Variants in FOXO3 observed in about 807,000 individuals in gnomAD.
FOXO3 encodes forkhead box O3, also known as forkhead box protein O3.
A neutral mutation model predicts 41.9 loss-of-function variants in FOXO3; 4 were observed. That is an observed-to-expected ratio of 0.10 (90% CI 0.05 to 0.22). FOXO3 has a LOEUF of 0.22. FOXO3 is among the 10% of genes least tolerant of loss of function. The pLI, the probability that FOXO3 is intolerant of heterozygous loss-of-function variation, is 1.00. For synonymous variants in FOXO3, 318 were observed against 389.3 expected (o/e 0.82, Z 2.16); for missense variants, 534 against 906.8 (o/e 0.59, Z 5.28).
Position 108,561,318 on chromosome 6 carries a change from G to C in FOXO3, c.110G>C (p.Arg37Thr), listed in dbSNP as rs1775777108. Residue 37 changes from arginine (R) to threonine (T), a missense_variant, in exon 1 of 3, where the codon AGG becomes ACG. Coordinates refer to ENST00000406360, the MANE Select transcript of FOXO3 (RefSeq NM_001455.4). ...CGATCCTGTACGTGGCCCCTGCAAA[G>C]GCCGGAGCTCCAAGCGAGCCCTGCC... ...RPRSCTWPLQ[R>T]PELQASPAKP... is the part of the protein sequence containing the mutation. 1 of 1,562,900 alleles carries C rather than the reference G, an allele frequency of 6.4e-7. No homozygotes were observed.
chr6:108,577,671 G>A (rs1187824805), intron 1 of FOXO3, among the ~76,000 whole-genome samples: 1 of 152,208 alleles, frequency 6.6e-6, no homozygotes, highest in Non-Finnish European at 1.5e-5. Context: ...ATAATGTATA[G>A]CCAGGATTGA....
chr6:108,658,338 TTTTG>T (rs1350332198), intron 1 of FOXO3, among the ~76,000 whole-genome samples: 1 of 152,056 alleles, frequency 6.6e-6, no homozygotes. Flanking sequence ...GTGGCACAGT[TTTTG>T]TTTGTGTTGA....
chr6:108,630,915 T>C (rs1777957211), intron 1 of FOXO3, among the ~76,000 whole-genome samples: 1 of 152,184 alleles, frequency 6.6e-6, no homozygotes, highest in African/African-American at 2.4e-5. Context: ...ATTAATTGAT[T>C]AGAATGCAAA....
At chr6:108,624,023 A>G (rs1777745092) in intron 1 of FOXO3, among the ~76,000 whole-genome samples, 1 of 152,242 alleles carries the variant, frequency 6.6e-6, no homozygotes, top group Admixed American at 6.5e-5. Context: ...TGAATTGTAT[A>G]TATAAACTGT....
At chr6:108,617,303 T>C (rs1413304553) in intron 1 of FOXO3, among the ~76,000 whole-genome samples, 1 of 152,232 alleles carries the variant, frequency 6.6e-6, no homozygotes, top group Non-Finnish European at 1.5e-5. Flanking sequence ...ATTGATTGAT[T>C]ATTTTCATTT....
At chr6:108,675,683 C>T (rs1770560216) in intron 2 of FOXO3, among the ~76,000 whole-genome samples, 1 of 152,168 alleles carries the variant, frequency 6.6e-6, no homozygotes, top group Non-Finnish European at 1.5e-5. Context: ...GCTTGTGGGG[C>T]AAACTTTCCT....
At chr6:108,648,662 G>A (rs985155934) in intron 1 of FOXO3, among the ~76,000 whole-genome samples, 2 of 152,076 alleles carry the variant, frequency 1.3e-5, no homozygotes, top group African/African-American at 4.8e-5. Flanking sequence ...CATGGTTAAG[G>A]AAATAATCAG....
intron 1 of FOXO3, among the ~76,000 whole-genome samples, chr6:108,589,106 G>A (rs1003749776): frequency 1.3e-5 from 2 of 152,210 alleles, no homozygotes; most frequent in Admixed American, 1.3e-4. Flanking sequence ...AATGGAGGCT[G>A]TCATGGAGTC....
At chr6:108,602,803 T>G (rs1213526068) in intron 1 of FOXO3, among the ~76,000 whole-genome samples, 1 of 152,226 alleles carries the variant, frequency 6.6e-6, no homozygotes, top group Admixed American at 6.5e-5. Flanking sequence ...GAACCTATTT[T>G]GAAGCTCTTA....
In FOXO3 at chr6:108,620,597, C is replaced by T. The variant is rs1777638913; in HGVS notation, c.622-42858C>T. On this transcript the variant is annotated intron_variant, in intron 1 of 2. Coordinates refer to ENST00000406360, the MANE Select transcript of FOXO3 (RefSeq NM_001455.4). ...TAATTAGTATTATGAAGCCACGCTTCTGATTGTGAGAATGAGAACATCAAG... is the reference window on the plus strand; with the variant it reads ...TAATTAGTATTATGAAGCCACGCTTTTGATTGTGAGAATGAGAACATCAAG... Among the ~76,000 whole-genome samples, 3 of 152,172 alleles carry T rather than the reference C, an allele frequency of 2.0e-5. No homozygotes were observed. The South Asian group carries it at 6.2e-4, about 32-fold the overall frequency.
At chr6:108,579,359 G>A (rs931949081) in intron 1 of FOXO3, among the ~76,000 whole-genome samples, 1 of 152,112 alleles carries the variant, frequency 6.6e-6, no homozygotes, top group Non-Finnish European at 1.5e-5. Flanking sequence ...AGGCAGGTTC[G>A]GTGTTGGAAC....
At chr6:108,657,195 C>CT (rs1286015900) in intron 1 of FOXO3, among the ~76,000 whole-genome samples, 1 of 152,214 alleles carries the variant, frequency 6.6e-6, no homozygotes, top group Non-Finnish European at 1.5e-5. Flanking sequence ...ACTGCACTCT[C>CT]TTTAGACACA....
rs761305424 is a variant in FOXO3 at position 108,664,139 on chromosome 6, G to A, written c.1306G>A (p.Gly436Arg). The A allele has an allele frequency of 5.6e-6, 9 of 1,613,902 alleles. No homozygotes were observed. Among genetic ancestry groups the A allele is most frequent in the African/African-American group, 4.0e-5 (3 of 74,898 alleles). Residue 436 changes from glycine to arginine, a missense_variant, in exon 2 of 3, where the codon GGA becomes AGA. This residue lies in a region of FOXO3 where 185 missense variants were observed against 224.9 expected (regional missense o/e 0.82). Transcript: ENST00000406360. ...PTSSFNSTVF[G>R]PSSLNSLRQS... The stretch of plus-strand genomic sequence containing the variant: ...CAGCTCCTTTAACAGCACGGTGTTC[G>A]GACCTTCATCTCTGAACTCCCTACG...
intron 1 of FOXO3, among the ~76,000 whole-genome samples, chr6:108,616,048 C>T (rs930802756): frequency 4.0e-5 from 6 of 150,968 alleles, no homozygotes; most frequent in Non-Finnish European, 7.4e-5. Context: ...AGTGCAATGG[C>T]GCAATCTTGG....
chr6:108,621,891 A>G (rs1777674500), intron 1 of FOXO3, among the ~76,000 whole-genome samples: 3 of 152,116 alleles, frequency 2.0e-5, no homozygotes, highest in Admixed American at 2.0e-4. Context: ...ATGTGACATT[A>G]GGGGAGGCTG....
chr6:108,646,108 C>T (rs1161562677), intron 1 of FOXO3, among the ~76,000 whole-genome samples: 1 of 152,168 alleles, frequency 6.6e-6, no homozygotes, highest in African/African-American at 2.4e-5. Context: ...CTTTCATCCT[C>T]AGGGTCTCCT....
chr6:108,631,171 A>C (rs1777962821), intron 1 of FOXO3, among the ~76,000 whole-genome samples: 2 of 152,204 alleles, frequency 1.3e-5, no homozygotes, highest in Admixed American at 6.5e-5. Flanking sequence ...TTGTGAGTAC[A>C]TTTACTCATA....
chr6:108,561,279 C>T lies in FOXO3; in HGVS notation c.71C>T (p.Pro24Leu). The T allele has an allele frequency of 6.4e-7, 1 of 1,565,258 alleles. No individual in the cohort carries two copies. Residue 24 changes from proline (P) to leucine (L), a missense_variant, in exon 1 of 3, where the codon CCC becomes CTC. Pro to Leu is a moderately conservative substitution (Grantham distance 98, BLOSUM62 -3). Coordinates refer to ENST00000406360, the MANE Select transcript of FOXO3 (RefSeq NM_001455.4). ...LEVELDPEFEPQSRPRSCTWP... is the reference protein window; with the variant it reads ...LEVELDPEFELQSRPRSCTWP... ...GTGGAGCTGGACCCGGAGTTCGAGC[C>T]CCAGAGCCGTCCGCGATCCTGTACG...
In FOXO3 at chr6:108,684,518, G is replaced by GA. The variant is rs1770990082; in HGVS notation, c.*4728dup. 1 of 152,476 alleles carries GA rather than the reference G, an allele frequency of 6.6e-6. No homozygotes were observed. Among genetic ancestry groups the GA allele is most frequent in the Non-Finnish European group, 1.5e-5 (1 of 68,018 alleles). 9.4% of individuals were successfully genotyped at this position (152,476 alleles called of 1,614,324 possible). On this transcript the variant is annotated 3_prime_UTR_variant, in exon 3 of 3. Coordinates refer to ENST00000406360, the MANE Select transcript of FOXO3 (RefSeq NM_001455.4). ...AAGCACCTCATCCTTCTTTCAATGC[G>GA]AACACTATCATATGGCATTCTTACT...
Sources: allele counts gnomAD v4.1 joint callset (sites outside exome capture counted in the v4.1 genomes callset), GRCh38; gene constraint gnomAD v4.1.1; regional missense constraint gnomAD v4.1.1; transcripts MANE v1.5; gene names NCBI Gene and HGNC (gene_info 2026-07-23, HGNC 2026-07-21).